IGFL4: variants seen among roughly 807,000 people sequenced by gnomAD.
IGFL4 encodes the protein insulin growth factor-like family member 4.
A neutral mutation model predicts 15.4 loss-of-function variants in IGFL4; 12 were observed. The ratio of observed to expected loss-of-function variants is 0.78; its 90% CI spans 0.50 to 1.26. The LOEUF (loss-of-function observed/expected upper bound fraction) is 1.26. IGFL4 is among the 50% of genes most tolerant of loss of function. The pLI, the probability that IGFL4 is intolerant of heterozygous loss-of-function variation, is 0.00. For missense variants in IGFL4, 126 were observed against 147.8 expected (o/e 0.85, Z 0.76); for synonymous variants, 54 against 55.9 (o/e 0.97, Z 0.16).
chr19:46,039,833 G>A lies in IGFL4; in HGVS notation c.*59C>T. 5.0e-6 allele frequency: 7 copies of A among 1,393,032 alleles called. No individual in the cohort carries two copies. Among genetic ancestry groups the A allele is most frequent in the East Asian group, 2.3e-5 (1 of 43,794 alleles). 86.3% of individuals were successfully genotyped at this position (1,393,032 alleles called of 1,614,324 possible). A position where few individuals can be genotyped will look rare whatever the true frequency, so the allele number is the denominator to read the frequency against. ...TCACAACAACAACAAAATCAATGCA[G>A]TATAATTACCAAGTATTAGATTCTA... On this transcript the variant is annotated 3_prime_UTR_variant, in exon 4 of 4. Transcript: ENST00000377697.
chr19:46,077,349 G>GC (rs1969616652), upstream of IGFL4, among the ~76,000 whole-genome samples: 1 of 152,100 alleles, frequency 6.6e-6, no homozygotes, highest in Non-Finnish European at 1.5e-5. The surrounding 1 kb of genome is among the most constrained non-coding windows in gnomAD (Gnocchi z 5.4). Flanking sequence ...CCTGTGACCT[G>GC]CCCAGGCTGC....
At chr19:46,077,476 A>G (rs1291555185), upstream of IGFL4, among the ~76,000 whole-genome samples, 1 of 152,220 alleles carries the variant, frequency 6.6e-6, no homozygotes, top group Non-Finnish European at 1.5e-5. The surrounding 1 kb of genome is among the most constrained non-coding windows in gnomAD (Gnocchi z 5.4). Context: ...AAAAGAAACC[A>G]GAGGCGGGGA....
At chr19:46,053,560 T>A (rs10424417) in intron 2 of IGFL4, among the ~76,000 whole-genome samples, 49,130 of 152,018 alleles carry the variant, frequency 0.32, 8,258 homozygotes, top group African/African-American at 0.4. Flanking sequence ...TTGGTTATTG[T>A]GAATACTACT....
chr19:46,069,683 C>A (rs1969527466), intron 1 of IGFL4, among the ~76,000 whole-genome samples: 1 of 152,082 alleles, frequency 6.6e-6, no homozygotes, highest in African/African-American at 2.4e-5. Context: ...CATTTGTCTT[C>A]TTTTTGAAAA....
At position 46,068,545 on chromosome 19, in the gene IGFL4, G is replaced by T. The variant is rs78932812; in HGVS notation, c.-431-8252C>A. Among the ~76,000 whole-genome samples, 433 of 152,250 alleles carry T rather than the reference G, an allele frequency of 2.8e-3. 2 individuals are homozygous for T. Among genetic ancestry groups the T allele is most frequent in the African/African-American group, 9.5e-3 (393 of 41,528 alleles). On this transcript the variant is annotated intron_variant, in intron 1 of 5. Coordinates refer to the IGFL4 transcript ENST00000601672. Reference sequence around the variant, plus strand: ...CGCTTTGTTGATTCTGTAACCAGGGGCTTGGGATTCATTTTGGGGATCCCA... The same window carrying T: ...CGCTTTGTTGATTCTGTAACCAGGGTCTTGGGATTCATTTTGGGGATCCCA...
exon 2 of IGFL4, chr19:46,060,285 T>G (rs1969432664): frequency 6.6e-6 from 1 of 152,216 alleles, no homozygotes; most frequent in South Asian, 2.1e-4. Context: ...AAGAAAAGTT[T>G]CCTTGACTCT....
At chr19:46,072,204 A>G (rs1247161179) in intron 1 of IGFL4, among the ~76,000 whole-genome samples, 4 of 152,266 alleles carry the variant, frequency 2.6e-5, no homozygotes, top group Non-Finnish European at 5.9e-5. Context: ...AAAGTCACAG[A>G]GTGAACACCT....
At chr19:46,044,778 A>G (rs964848525), upstream of IGFL4, among the ~76,000 whole-genome samples, 1 of 152,182 alleles carries the variant, frequency 6.6e-6, no homozygotes, top group African/African-American at 2.4e-5. Context: ...GCAGGCTGCC[A>G]TCTTTGCTGT....
intron 1 of IGFL4, among the ~76,000 whole-genome samples, chr19:46,074,219 C>T (rs1969572887): frequency 6.6e-6 from 1 of 151,482 alleles, no homozygotes; most frequent in African/African-American, 2.4e-5. Context: ...ACTTGGGCTT[C>T]CTCCCAAGAA....
chr19:46,064,557 A>G (rs1969476708), intron 1 of IGFL4, among the ~76,000 whole-genome samples: 1 of 152,166 alleles, frequency 6.6e-6, no homozygotes, highest in Non-Finnish European at 1.5e-5. Context: ...GATCCCACAA[A>G]TAAGTGAGAA....
chr19:46,058,934 C>T (rs572415598), intron 2 of IGFL4: 4 of 152,322 alleles, frequency 2.6e-5, no homozygotes, highest in Non-Finnish European at 5.9e-5. Flanking sequence ...GGGGGTTCCT[C>T]CCCTTTTTAG....
chr19:46,061,591 C>T (rs1428317957), intron 1 of IGFL4, among the ~76,000 whole-genome samples: 1 of 152,178 alleles, frequency 6.6e-6, no homozygotes, highest in Non-Finnish European at 1.5e-5. Context: ...AAGGCAAAAA[C>T]AGATCCCCAA....
chr19:46,041,829 C>T (rs1400766996), upstream of IGFL4, among the ~76,000 whole-genome samples: 1 of 139,264 alleles, frequency 7.2e-6, no homozygotes, highest in Non-Finnish European at 1.5e-5. Flanking sequence ...CTCCTCCCTC[C>T]TCTCTCTCTT....
chr19:46,043,499 G>C (rs1969266699), upstream of IGFL4, among the ~76,000 whole-genome samples: 2 of 152,114 alleles, frequency 1.3e-5, no homozygotes, highest in South Asian at 4.1e-4. Flanking sequence ...AAACAATTTT[G>C]GTTGATGAAA....
intron 1 of IGFL4, among the ~76,000 whole-genome samples, chr19:46,060,954 TTATTA>T (rs1420814693): frequency 6.6e-6 from 1 of 152,224 alleles, no homozygotes; most frequent in African/African-American, 2.4e-5. Context: ...CGTAAACTTT[TTATTA>T]ACCCTTAACA....
rs753373446 is a variant in IGFL4, at chr19:46,040,118, TC to T, written c.330+38del. ...TGGACAACCAAGCTCCATTCCCTAC[TC>T]CCCCCTCCCACAGCCTGGACTGGAG... On this transcript the variant is annotated intron_variant, in intron 3 of 3. Transcript: ENST00000377697. This position sits in a 1 kb window ranked among gnomAD's most constrained non-coding sequence, Gnocchi z 4.1. 3.5e-5 allele frequency: 57 copies of T among 1,609,306 alleles called. No homozygotes were observed. The highest frequency in any genetic ancestry group is 1.7e-4 in the Middle Eastern group (1 of 5,978).
intron 1 of IGFL4, among the ~76,000 whole-genome samples, chr19:46,071,821 G>T (rs1229698624): frequency 6.6e-6 from 1 of 152,200 alleles, no homozygotes; most frequent in Non-Finnish European, 1.5e-5. Flanking sequence ...AGGAGTTTGA[G>T]ACCAGCAACT....
In IGFL4 at chr19:46,054,008, T is replaced by G. The variant is rs140743840; in HGVS notation, c.-323+6177A>C. Among the ~76,000 whole-genome samples, 800 of 152,342 alleles carry G rather than the reference T, an allele frequency of 5.3e-3. 14 individuals are homozygous for G. The highest frequency in any genetic ancestry group is 0.018 in the African/African-American group (760 of 41,576). On this transcript the variant is annotated intron_variant, in intron 2 of 5. Coordinates refer to the IGFL4 transcript ENST00000601672. ...TGAGATGTTTGAGTTTTTTGTATATTCTGGATATTAATGCCTAGTCAGATG... is the reference window on the plus strand; with the variant it reads ...TGAGATGTTTGAGTTTTTTGTATATGCTGGATATTAATGCCTAGTCAGATG...
At chr19:46,055,349 T>C (rs954061776) in intron 2 of IGFL4, among the ~76,000 whole-genome samples, 8 of 152,078 alleles carry the variant, frequency 5.3e-5, no homozygotes, top group African/African-American at 1.9e-4. Context: ...TGCTTCAGCT[T>C]CCTGGGTAGC....
Sources: allele counts gnomAD v4.1 joint callset (sites outside exome capture counted in the v4.1 genomes callset), GRCh38; gene constraint gnomAD v4.1.1; non-coding constraint Gnocchi (gnomAD v3.1); transcripts MANE v1.5; gene names NCBI Gene and HGNC (gene_info 2026-07-23, HGNC 2026-07-21).